Variants in NACA observed in about 807,000 individuals in gnomAD.
The protein encoded by NACA is nascent polypeptide-associated complex subunit alpha.
NACA carries 42 observed loss-of-function variants against 86.4 expected under a neutral mutation model. That is an observed-to-expected ratio of 0.49 (90% CI 0.38 to 0.63). NACA has a LOEUF of 0.63. NACA is among the 20% of genes least tolerant of loss of function. The probability of loss-of-function intolerance (pLI) is 0.00; values close to 1 mark genes in which losing one functional copy is unlikely to be tolerated. For synonymous variants in NACA, 898 were observed against 973.7 expected, an observed-to-expected ratio of 0.92 and a Z score of 1.45; for missense variants, 2,157 against 2,483.6, an observed-to-expected ratio of 0.87 and a Z score of 2.80.
At chr12:56,713,404 G>A in intron 6 of NACA, 133 bp downstream of exon 6, 1 of 1,308,950 alleles carries the variant, frequency 7.6e-7, no homozygotes, top group Non-Finnish European at 1.0e-6. Context: ...TATGGCAATG[G>A]AGTTTTTGGG....
chr12:56,717,083 GT>G lies in NACA; in HGVS notation c.4446del (p.Lys1482AsnfsTer27). 2 of 1,232,106 alleles carry G rather than the reference GT, an allele frequency of 1.6e-6. No individual in the cohort carries two copies. Among genetic ancestry groups the G allele is most frequent in the Non-Finnish European group, 2.1e-6 (2 of 968,796 alleles). The allele number at this position is 1,232,106 out of a possible 1,614,324, so 76.3% of individuals were successfully genotyped here. On this transcript the variant is annotated frameshift_variant, in exon 3 of 9. Coordinates refer to ENST00000454682, the MANE Select transcript of NACA (RefSeq NM_001365896.1). LOFTEE classifies it high-confidence loss of function. ...PPSPKEPPAP[K>X]QVATSSSPKK... is the part of the protein sequence containing the mutation. Reference sequence around the variant, plus strand: ...TTGGGAGAGGAAGAAGTGGCAACTTGTTTGGGGGCTGGGGGCTCCTTGGGGG... The same window carrying G: ...TTGGGAGAGGAAGAAGTGGCAACTTGTTGGGGGCTGGGGGCTCCTTGGGGG...
rs919073619 is a variant in NACA at position 56,716,198 on chromosome 12, A to T, written c.5332T>A (p.Phe1778Ile). The change falls in exon 3 of 9, where the codon TTT (phenylalanine) becomes ATT (isoleucine). Residue 1778 changes from phenylalanine to isoleucine, a missense_variant. By Grantham distance (21) the Phe-to-Ile change is conservative. Coordinates refer to ENST00000454682, the MANE Select transcript of NACA (RefSeq NM_001365896.1). ...TCAGGTTTAGGAAGGACCTTCTCAAAGGCAGCTGCTGTTAGAGGGGTGGAC... is the reference window on the plus strand; with the variant it reads ...TCAGGTTTAGGAAGGACCTTCTCAATGGCAGCTGCTGTTAGAGGGGTGGAC... The part of the protein sequence containing the change: ...KASTPLTAAA[F>I]EKVLPKPESA... 1.2e-6 allele frequency: 2 copies of T among 1,613,640 alleles called. No homozygotes were observed. The highest frequency in any genetic ancestry group is 1.7e-5 in the Admixed American group (1 of 59,986).
In NACA at chr12:56,716,026, G is replaced by A. The variant is rs12423816; in HGVS notation, c.5504C>T (p.Ala1835Val). Residue 1835 changes from alanine (A) to valine (V), a missense_variant, in exon 3 of 9, where the codon GCT (alanine) becomes GTT (valine). Physicochemically the swap from Ala to Val is moderately conservative, Grantham distance 64 (BLOSUM62 0). Transcript: ENST00000454682. ...LESPSKPLAP[A>V]DEDELLPLIP... The stretch of plus-strand genomic sequence containing the variant: ...CAGAGGCAGCAGCTCATCCTCATCA[G>A]CAGGGGCAAGGGGTTTAGAGGGTGA... 1 of 1,604,700 alleles carries A rather than the reference G, an allele frequency of 6.2e-7. No homozygotes were observed. The highest frequency in any genetic ancestry group is 2.2e-5 in the East Asian group (1 of 44,720).
In NACA at chr12:56,721,020, C is replaced by T. The variant is rs1953560246; in HGVS notation, c.510G>A (p.Gly170=). 6.2e-7 allele frequency: 1 copy of T among 1,613,942 alleles called. No individual in the cohort carries two copies. The highest frequency in any genetic ancestry group is 8.5e-7 in the Non-Finnish European group (1 of 1,179,874). Residue 170 remains glycine, a synonymous_variant, in exon 3 of 9, where the codon GGG becomes GGA. Coordinates refer to ENST00000454682, the MANE Select transcript of NACA (RefSeq NM_001365896.1). ...SPPSVAVAES[G]SVITLSAPIA... Reference sequence around the variant, plus strand: ...TGGGAGCTGACAGAGTTATCACTGACCCTGACTCAGCTACAGCCACTGAAG... The same window carrying T: ...TGGGAGCTGACAGAGTTATCACTGATCCTGACTCAGCTACAGCCACTGAAG...
In NACA at chr12:56,712,564, A is replaced by G. The variant is rs1176393754; in HGVS notation, c.6223-12T>C. On this transcript the variant is annotated splice_polypyrimidine_tract_variant and intron_variant, in intron 8 of 8. Transcript: ENST00000454682. ...TACATTGTTAATTCCTGTAACAGAG[A>G]AAAGATAATTAGCGGTTCTTATAGG... is the stretch of plus-strand genomic sequence containing the variant. 5 of 1,613,546 alleles carry G rather than the reference A, an allele frequency of 3.1e-6. No homozygotes were observed. Among genetic ancestry groups the G allele is most frequent in the South Asian group, 1.1e-5 (1 of 90,998 alleles).
At chr12:56,713,024 A>G (rs1565890922) in intron 7 of NACA, 38 bp downstream of exon 7, 3 of 1,613,336 alleles carry the variant, frequency 1.9e-6, no homozygotes, top group East Asian at 2.2e-5. Flanking sequence ...ACAATGCTAT[A>G]CGGCGAGAGT....
intron 5 of NACA, chr12:56,714,078 C>T (rs181212055): frequency 1.3e-4 from 55 of 422,338 alleles, no homozygotes; most frequent in African/African-American, 1.0e-3. Flanking sequence ...AACTCCTGAC[C>T]TCAAGTGATC....
chr12:56,716,452 G>C lies in NACA; in HGVS notation c.5078C>G (p.Thr1693Arg), dbSNP rs144522448. 1.3e-5 allele frequency: 20 copies of C among 1,571,494 alleles called. No individual in the cohort carries two copies. The highest frequency in any genetic ancestry group is 1.7e-4 in the Middle Eastern group (1 of 5,886). The change falls in exon 3 of 9, where the codon ACG (threonine) becomes AGG (arginine). Residue 1693 changes from threonine (T) to arginine (R), a missense_variant. Transcript: ENST00000454682. ...EVLVAPAPES[T>R]PIITAPTRKG... ...CCGAGTGGGAGCTGTGATGATTGGC[G>C]TGCTTTCTGGAGCTGGGGCAACAAG...
In NACA at chr12:56,715,876, T is replaced by C. The variant is rs761558420; in HGVS notation, c.5654A>G (p.Asn1885Ser). The change falls in exon 3 of 9, where the codon AAC becomes AGC. Residue 1885 changes from asparagine to serine, a missense_variant. Coordinates refer to ENST00000454682, the MANE Select transcript of NACA (RefSeq NM_001365896.1). ...CGGCAAACCAAGGCAAATACCCTTG[T>C]TGTTCTTCGTAACAGGTTGCTTGGC... ...PSAKQPVTKN[N>S]KGSGTESDSD... 2 of 1,515,240 alleles carry C rather than the reference T, an allele frequency of 1.3e-6. No individual in the cohort carries two copies. The highest frequency in any genetic ancestry group is 2.7e-5 in the South Asian group (2 of 74,898). 93.9% of individuals were successfully genotyped at this position (1,515,240 alleles called of 1,614,324 possible).
rs541284931 is a variant in NACA, at chr12:56,716,164, G to A, written c.5366C>T (p.Ser1789Phe). The A allele has an allele frequency of 6.2e-7, 1 of 1,613,672 alleles. No individual in the cohort carries two copies. The highest frequency in any genetic ancestry group is 8.5e-7 in the Non-Finnish European group (1 of 1,179,840). ...EKVLPKPESASVSAAPSPPVS... is the reference protein window; with the variant it reads ...EKVLPKPESAFVSAAPSPPVS... ...TGGTGGGGAGGGTGCTGCAGAGACA[G>A]ATGCTGATTCAGGTTTAGGAAGGAC... The change falls in exon 3 of 9, where the codon TCT (serine) becomes TTT (phenylalanine). Residue 1789 changes from serine to phenylalanine, a missense_variant. By Grantham distance (155) the Ser-to-Phe change is radical (BLOSUM62 -2). Around this residue, in one of 8 missense-constraint regions of NACA, gnomAD observed 797 missense variants for 777.6 expected, o/e 1.02. Transcript: ENST00000454682.
At position 56,712,926 on chromosome 12, in the gene NACA, AAAAGCAGTAAATT is replaced by A; in HGVS notation, c.6100-31_6100-19del. On this transcript the variant is annotated intron_variant, in intron 7 of 8. Coordinates refer to ENST00000454682, the MANE Select transcript of NACA (RefSeq NM_001365896.1). ...TCATCGACCTGAGAGATGAGAGGGAAAAAGCAGTAAATTAAAGGCAAGAACAATTTCAGCAGTT... is the reference window on the plus strand; with the variant it reads ...TCATCGACCTGAGAGATGAGAGGGAAAAAGGCAAGAACAATTTCAGCAGTT... The A allele has an allele frequency of 6.2e-7, 1 of 1,614,118 alleles. No individual in the cohort carries two copies. The highest frequency in any genetic ancestry group is 8.5e-7 in the Non-Finnish European group (1 of 1,179,956).
At chr12:56,724,612 G>T in intron 1 of NACA, 89 bp from the exon 2 acceptor site, 1 of 1,400,672 alleles carries the variant, frequency 7.1e-7, no homozygotes, top group Non-Finnish European at 9.8e-7. Context: ...AAAACTCCGA[G>T]GAGGGCTGTT....
At position 56,718,766 on chromosome 12, in the gene NACA, G is replaced by C. The variant is rs376234480; in HGVS notation, c.2764C>G (p.Arg922Gly). ...ATTCCTTTAGGGGCTGGAGTTGCTC[G>C]GGCCTTTTTGGGGGAGGAAGAAGTC... ...SMTSSSPKKA[R>G]ATPAPKGIPA... Residue 922 changes from arginine (R) to glycine (G), a missense_variant, in exon 3 of 9, where the codon CGA becomes GGA. By Grantham distance (125) the Arg-to-Gly change is moderately radical. This residue lies in a region of NACA where 174 missense variants were observed against 217.0 expected (regional missense o/e 0.80). Transcript: ENST00000454682. 2.1e-6 allele frequency: 3 copies of C among 1,444,438 alleles called. No individual in the cohort carries two copies. Among genetic ancestry groups the C allele is most frequent in the Admixed American group, 1.8e-5 (1 of 54,832 alleles). 89.5% of individuals were successfully genotyped at this position (1,444,438 alleles called of 1,614,324 possible). A position where few individuals can be genotyped will look rare whatever the true frequency, so the allele number is the denominator to read the frequency against.
At position 56,719,340 on chromosome 12, in the gene NACA, G is replaced by A; in HGVS notation, c.2190C>T (p.Ile730=). The change falls in exon 3 of 9, where the codon ATC becomes ATT. Residue 730 remains isoleucine (I), a synonymous_variant. Coordinates refer to ENST00000454682, the MANE Select transcript of NACA (RefSeq NM_001365896.1). ...GAGAGGGTGAGGGCACAGACTTTGG[G>A]ATTTCAGGGGCCAGCACTAAGGTAG... is the stretch of plus-strand genomic sequence containing the variant. ...PLATLVLAPE[I]PKSVPSPSLP... 1 of 1,607,890 alleles carries A rather than the reference G, an allele frequency of 6.2e-7. No individual in the cohort carries two copies. The highest frequency in any genetic ancestry group is 1.1e-5 in the South Asian group (1 of 90,042).
rs1203383631 is a variant in NACA at position 56,720,335 on chromosome 12, A to G, written c.1195T>C (p.Leu399=). 3.1e-6 allele frequency: 5 copies of G among 1,613,848 alleles called. No individual in the cohort carries two copies. The South Asian group carries it at 5.5e-5, about 18-fold the overall frequency. The change falls in exon 3 of 9, where the codon TTA becomes CTA. Residue 399 remains leucine, a synonymous_variant. Transcript: ENST00000454682. ...AATGAAAAAGAGGTAGCTACATTTA[A>G]GGAGCCAGAAGGGCTGCAGGTTATG... ...SSITCSPSGS[L]NVATSFSLSP...
chr12:56,718,853 G>T lies in NACA; in HGVS notation c.2677C>A (p.Leu893Met), dbSNP rs11171951. The T allele has an allele frequency of 1.4e-6, 2 of 1,429,370 alleles. No homozygotes were observed. Among genetic ancestry groups the T allele is most frequent in the African/African-American group, 2.9e-5 (2 of 69,586 alleles). The allele number at this position is 1,429,370 out of a possible 1,614,324, so 88.5% of individuals were successfully genotyped here. A position where few individuals can be genotyped will look rare whatever the true frequency, so the allele number is the denominator to read the frequency against. ...KETPTPSVVN[L>M]PFPKEGPATP... ...GCTGGACCCTCTTTGGGGAAGGGCA[G>T]ATTCACCACTGAAGGAGTGGGGGTC... The change falls in exon 3 of 9, where the codon CTG (leucine) becomes ATG (methionine). Residue 893 changes from leucine (L) to methionine (M), a missense_variant. By Grantham distance (15) the Leu-to-Met change is conservative. Around this residue, in one of 8 missense-constraint regions of NACA, gnomAD observed 174 missense variants for 217.0 expected, o/e 0.80. Transcript: ENST00000454682.
chr12:56,723,821 A>G (rs946520750), intron 2 of NACA, among the ~76,000 whole-genome samples: 2 of 152,212 alleles, frequency 1.3e-5, no homozygotes, highest in African/African-American at 4.8e-5. Context: ...CCAGAATTTA[A>G]AATTAGCCTT....
chr12:56,716,086 T>C lies in NACA; in HGVS notation c.5444A>G (p.Gln1815Arg). The stretch of plus-strand genomic sequence containing the variant: ...CAGCCCAGGAGAGGACGGCAGAAAT[T>C]GCTGTTTAGGAGGCAGAGTGGGAAC... ...SPVPTLPPKQ[Q>R]FLPSSPGLVL... Residue 1815 changes from glutamine to arginine, a missense_variant, in exon 3 of 9, where the codon CAA becomes CGA. Physicochemically the swap from Gln to Arg is conservative, Grantham distance 43 (BLOSUM62 1). Transcript: ENST00000454682. The C allele has an allele frequency of 6.2e-7, 1 of 1,612,888 alleles. No homozygotes were observed. Among genetic ancestry groups the C allele is most frequent in the Non-Finnish European group, 8.5e-7 (1 of 1,179,412 alleles).
chr12:56,714,779 T>A, intron 3 of NACA, 92 bp from the exon 4 acceptor site: 1 of 1,147,052 alleles, frequency 8.7e-7, no homozygotes, highest in Non-Finnish European at 1.3e-6. Context: ...GGTGAATGCC[T>A]CATGCTAGAC....
Sources: gnomAD v4.1 joint callset for allele counts (sites outside exome capture counted in the v4.1 genomes callset) on GRCh38, gnomAD v4.1.1 for gene constraint, gnomAD v4.1.1 regional missense constraint, MANE v1.5 for transcripts, NCBI Gene and HGNC (gene_info 2026-07-23, HGNC 2026-07-21) for gene names.